The following GPC3 variants were observed in gnomAD, a reference collection of about 807,000 sequenced individuals.
GPC3 encodes the protein glypican-3.
A neutral mutation model predicts 34.4 loss-of-function variants in GPC3; 3 were observed. The observed-to-expected ratio is 0.09, with a 90% CI of 0.04 to 0.23. The LOEUF is 0.23. Among genes scored for constraint, GPC3 ranks in the 10% least tolerant of loss-of-function variants. GPC3 has a pLI of 1.00. For synonymous variants in GPC3, 177 were observed against 174.0 expected, an observed-to-expected ratio of 1.02 and a Z score of -0.13; for missense variants, 351 against 445.6, an observed-to-expected ratio of 0.79 and a Z score of 1.91.
At chrX:133,702,021 A>G (rs2071172305) in intron 3 of GPC3, among the ~76,000 whole-genome samples, 2 of 112,220 alleles carry the variant, frequency 1.8e-5, no homozygotes, top group African/African-American at 6.5e-5. Flanking sequence ...ATGATACTGA[A>G]TTTTTCAGAT....
At chrX:133,898,753 G>A (rs2076131335) in intron 2 of GPC3, among the ~76,000 whole-genome samples, 2 of 112,007 alleles carry the variant, frequency 1.8e-5, no homozygotes, top group East Asian at 2.8e-4. Context: ...GCATAAGCCT[G>A]TTTTGGGGAG....
intron 7 of GPC3, among the ~76,000 whole-genome samples, chrX:133,581,900 G>A (rs2124313312): frequency 8.9e-6 from 1 of 112,445 alleles, no homozygotes; most frequent in East Asian, 2.8e-4. Flanking sequence ...TATTCACAAT[G>A]TAATGGCTAC....
chrX:133,751,123 A>G (rs2071664565), intron 3 of GPC3, among the ~76,000 whole-genome samples: 1 of 108,202 alleles, frequency 9.2e-6, no homozygotes, highest in Non-Finnish European at 1.9e-5. Flanking sequence ...ATAAATAAAT[A>G]AAAGCACCAC....
chrX:133,767,319 C>T (rs1182475837), intron 2 of GPC3, among the ~76,000 whole-genome samples: 2 of 111,556 alleles, frequency 1.8e-5, no homozygotes, highest in African/African-American at 3.3e-5. Flanking sequence ...AATGCATTAC[C>T]TGTGTTGCCT....
At chrX:133,574,868 G>A in intron 7 of GPC3, among the ~76,000 whole-genome samples, 1 of 112,135 alleles carries the variant, frequency 8.9e-6, no homozygotes, top group Middle Eastern at 4.6e-3. Context: ...TGGTTAGAAT[G>A]AACAGTTTGG....
intron 2 of GPC3, among the ~76,000 whole-genome samples, chrX:133,929,340 C>A (rs2076288512): frequency 9.0e-6 from 1 of 111,591 alleles, no homozygotes; most frequent in South Asian, 3.8e-4. Flanking sequence ...TTTGTTTTTT[C>A]ATTAAGCATG....
chrX:133,945,631 G>C (rs1411593005), intron 2 of GPC3, among the ~76,000 whole-genome samples: 4 of 109,179 alleles, frequency 3.7e-5, no homozygotes, highest in African/African-American at 1.0e-4. Flanking sequence ...GCAGGCGCCT[G>C]TAATCCAAGC....
chrX:133,625,195 C>T (rs1055379531), intron 6 of GPC3, among the ~76,000 whole-genome samples: 5 of 111,483 alleles, frequency 4.5e-5, no homozygotes, highest in Non-Finnish European at 9.4e-5. Flanking sequence ...GATGGCAAAC[C>T]CACAGCCAAT....
rs17000468 is a variant in GPC3 at position 133,692,269 on chromosome X, T to G, written c.1292+100A>C. The G allele has an allele frequency of 5.5e-6, 5 of 907,670 alleles. No individual in the cohort carries two copies. In the African/African-American group the frequency reaches 9.8e-5, roughly 18 times the overall value. 74.8% of individuals were successfully genotyped at this position (907,670 alleles called of 1,213,427 possible). ...CTCATAGATTTCTCTAGAATTTTTCTGGTGCAATTAATGGAGATAGAAGAC... is the reference window on the plus strand; with the variant it reads ...CTCATAGATTTCTCTAGAATTTTTCGGGTGCAATTAATGGAGATAGAAGAC... On this transcript the variant is annotated intron_variant, in intron 5 of 7. Transcript: ENST00000370818.
intron 6 of GPC3, among the ~76,000 whole-genome samples, chrX:133,635,471 A>C (rs2070411615): frequency 1.8e-5 from 2 of 111,929 alleles, no homozygotes; most frequent in Admixed American, 1.9e-4. Context: ...ATTTTAAAAA[A>C]CAGTTTAACA....
At chrX:133,707,715 ATAAT>A (rs1450315211) in intron 3 of GPC3, among the ~76,000 whole-genome samples, 1 of 111,644 alleles carries the variant, frequency 9.0e-6, no homozygotes, top group Non-Finnish European at 1.9e-5. Flanking sequence ...TATAATTAAT[ATAAT>A]TAATAGTGTG....
intron 1 of GPC3, among the ~76,000 whole-genome samples, chrX:133,961,836 C>T (rs2076442877): frequency 1.8e-5 from 2 of 111,902 alleles, no homozygotes; most frequent in African/African-American, 6.5e-5. Context: ...CCATTGCTCC[C>T]TCATCACCTC....
intron 7 of GPC3, among the ~76,000 whole-genome samples, chrX:133,542,693 T>C (rs980406947): frequency 8.9e-6 from 1 of 112,260 alleles, no homozygotes; most frequent in Non-Finnish European, 1.9e-5. Context: ...ATTTGCTGTG[T>C]ACAGTTGGCC....
chrX:133,612,666 A>G (rs755789543), intron 6 of GPC3, among the ~76,000 whole-genome samples: 1 of 111,136 alleles, frequency 9.0e-6, no homozygotes, highest in South Asian at 4.0e-4. Flanking sequence ...ATCTGTGTCA[A>G]TCACTTAGGA....
intron 2 of GPC3, among the ~76,000 whole-genome samples, chrX:133,910,316 C>T (rs1051498635): frequency 9.0e-6 from 1 of 111,122 alleles, no homozygotes; most frequent in Non-Finnish European, 1.9e-5. Context: ...AGAAGCACCC[C>T]CATATCAAAA....
At chrX:133,794,838 G>T (rs913958723) in intron 2 of GPC3, among the ~76,000 whole-genome samples, 1 of 112,426 alleles carries the variant, frequency 8.9e-6, no homozygotes, top group Admixed American at 9.4e-5. Context: ...GGGAAAAATA[G>T]ATTCTATTAG....
chrX:133,650,459 A>ACC (rs776188351), intron 6 of GPC3, among the ~76,000 whole-genome samples: 1,390 of 56,846 alleles, frequency 0.024, 25 homozygotes, highest in African/African-American at 0.058. Context: ...ACACCCACCC[A>ACC]CACACACACA....
chrX:133,982,550 T>C (rs1486006899), intron 1 of GPC3, among the ~76,000 whole-genome samples: 1 of 112,197 alleles, frequency 8.9e-6, no homozygotes, highest in Non-Finnish European at 1.9e-5. Context: ...CTGGCTGATC[T>C]CAAATGCCAT....
chrX:133,716,519 T>C (rs1396623118), intron 3 of GPC3, among the ~76,000 whole-genome samples: 1 of 112,279 alleles, frequency 8.9e-6, no homozygotes, highest in Non-Finnish European at 1.9e-5. Flanking sequence ...AATTGAAAAT[T>C]GTAATAACTA....
Sources: gnomAD v4.1 joint callset for allele counts (sites outside exome capture counted in the v4.1 genomes callset) on GRCh38, gnomAD v4.1.1 for gene constraint, MANE v1.5 for transcripts, NCBI Gene and HGNC (gene_info 2026-07-23, HGNC 2026-07-21) for gene names.